ZFR: variants seen among roughly 807,000 people sequenced by gnomAD.
The protein encoded by ZFR is zinc finger RNA-binding protein.
A neutral mutation model predicts 130.7 loss-of-function variants in ZFR; 19 were observed. The observed-to-expected ratio is 0.15, with a 90% CI of 0.10 to 0.21. The LOEUF (loss-of-function observed/expected upper bound fraction) is 0.21, where lower values mean the gene tolerates loss of function less well. Ranked by LOEUF, ZFR falls within the 10% of genes least tolerant of loss-of-function variation. The pLI is 1.00. For synonymous variants in ZFR, 466 were observed against 456.9 expected, an observed-to-expected ratio of 1.02 and a Z score of -0.25; for missense variants, 872 against 1,321.5, an observed-to-expected ratio of 0.66 and a Z score of 5.27.
At chr5:32,378,510 T>A (rs1220590807) in intron 17 of ZFR, among the ~76,000 whole-genome samples, 1 of 152,156 alleles carries the variant, frequency 6.6e-6, no homozygotes, top group African/African-American at 2.4e-5. Context: ...TCCCTGTCTA[T>A]CTGAATCCTT....
intron 2 of ZFR, among the ~76,000 whole-genome samples, chr5:32,435,853 A>C (rs981087042): frequency 7.2e-5 from 11 of 152,224 alleles, no homozygotes; most frequent in Admixed American, 6.5e-5. Flanking sequence ...GGAGCTCTTA[A>C]GTATCTATGT....
At chr5:32,369,726 CG>C (rs1479151254) in intron 17 of ZFR, among the ~76,000 whole-genome samples, 1 of 152,002 alleles carries the variant, frequency 6.6e-6, no homozygotes, top group Non-Finnish European at 1.5e-5. Context: ...TTAGGAGAAT[CG>C]CTTAAGCCTG....
chr5:32,389,006 T>C (rs1753101909), intron 12 of ZFR, among the ~76,000 whole-genome samples: 2 of 152,236 alleles, frequency 1.3e-5, no homozygotes, highest in Non-Finnish European at 2.9e-5. Context: ...ATTCAAGTCT[T>C]ACAACTGCCA....
chr5:32,382,260 G>A (rs1017213520), intron 15 of ZFR, among the ~76,000 whole-genome samples: 3 of 152,122 alleles, frequency 2.0e-5, no homozygotes, highest in Non-Finnish European at 4.4e-5. Context: ...GCAGTGAGCC[G>A]AGATTGTGCT....
chr5:32,366,651 C>T (rs1330554318), intron 17 of ZFR, among the ~76,000 whole-genome samples: 3 of 151,712 alleles, frequency 2.0e-5, no homozygotes, highest in Non-Finnish European at 4.4e-5. Context: ...GTTAAAAGAG[C>T]AATGAAAATA....
chr5:32,369,058 T>C (rs983319728), intron 17 of ZFR, among the ~76,000 whole-genome samples: 5 of 152,218 alleles, frequency 3.3e-5, no homozygotes, highest in Non-Finnish European at 2.9e-5. Context: ...GTGAAATGTA[T>C]GAAAGTCTTA....
chr5:32,416,506 TGA>T lies in ZFR; in HGVS notation c.565+1140_565+1141del, dbSNP rs556825604. On this transcript the variant is annotated intron_variant, in intron 4 of 19. Transcript: ENST00000265069. ...GCGCATGCCTGTAATCCCAGCTACT[TGA>T]GAGGCTGAGGCAGGAGAATCGCTTG... is the stretch of plus-strand genomic sequence containing the variant. Among the ~76,000 whole-genome samples, 5 of 151,118 alleles carry T rather than the reference TGA, an allele frequency of 3.3e-5. No homozygotes were observed. In the South Asian group the frequency reaches 1.0e-3, roughly 32 times the overall value.
chr5:32,391,392 T>C (rs927912582), intron 11 of ZFR, among the ~76,000 whole-genome samples: 3 of 152,184 alleles, frequency 2.0e-5, no homozygotes, highest in African/African-American at 7.2e-5. Flanking sequence ...AGGATTTTTG[T>C]GAAACTTCAC....
intron 19 of ZFR, 43 bp downstream of exon 19, chr5:32,363,905 A>G (rs1327164030): frequency 6.6e-7 from 1 of 1,521,264 alleles, no homozygotes; most frequent in African/African-American, 1.4e-5. Context: ...TAAAACCTTA[A>G]TGGAGTAACC....
chr5:32,381,609 T>C (rs565919537), intron 15 of ZFR, among the ~76,000 whole-genome samples: 2 of 152,208 alleles, frequency 1.3e-5, no homozygotes, highest in South Asian at 4.1e-4. Flanking sequence ...GTTACTCATA[T>C]CTCATAAGCA....
chr5:32,436,552 C>T (rs1754339711), intron 2 of ZFR, among the ~76,000 whole-genome samples: 1 of 152,204 alleles, frequency 6.6e-6, no homozygotes, highest in African/African-American at 2.4e-5. Context: ...CATCCATATT[C>T]ACCAGCCACC....
chr5:32,406,287 C>T (rs1753579069), intron 6 of ZFR, among the ~76,000 whole-genome samples: 1 of 152,132 alleles, frequency 6.6e-6, no homozygotes, highest in South Asian at 2.1e-4. Flanking sequence ...GTTCCTACTC[C>T]CCTTATGAGA....
At chr5:32,425,837 T>C (rs554078891) in intron 2 of ZFR, among the ~76,000 whole-genome samples, 44 of 152,320 alleles carry the variant, frequency 2.9e-4, no homozygotes, top group African/African-American at 1.0e-3. Flanking sequence ...AATTCTAATA[T>C]AGTAAATACC....
chr5:32,371,727 G>T (rs567945034), intron 17 of ZFR, among the ~76,000 whole-genome samples: 1 of 151,778 alleles, frequency 6.6e-6, no homozygotes, highest in South Asian at 2.1e-4. Context: ...AAGAACAGAA[G>T]CAATCAGGAA....
intron 17 of ZFR, among the ~76,000 whole-genome samples, chr5:32,378,469 G>A (rs1385754524): frequency 6.6e-6 from 1 of 152,016 alleles, no homozygotes; most frequent in Non-Finnish European, 1.5e-5. Flanking sequence ...TTAAACTCTG[G>A]AGTCAATAGG....
At chr5:32,410,453 A>G (rs1753679899) in intron 5 of ZFR, among the ~76,000 whole-genome samples, 1 of 151,976 alleles carries the variant, frequency 6.6e-6, no homozygotes, top group African/African-American at 2.4e-5. Context: ...TACAAAAAAT[A>G]CAAAAATAAA....
intron 6 of ZFR, among the ~76,000 whole-genome samples, chr5:32,404,391 GT>G (rs1204191817): frequency 6.6e-6 from 1 of 152,154 alleles, no homozygotes; most frequent in African/African-American, 2.4e-5. Context: ...TTATATAAAT[GT>G]TGGACAGAGA....
At chr5:32,413,918 G>A (rs993609059) in intron 5 of ZFR, among the ~76,000 whole-genome samples, 5 of 152,066 alleles carry the variant, frequency 3.3e-5, no homozygotes, top group Admixed American at 6.6e-5. Flanking sequence ...GGTGAATGAT[G>A]AGCAGGTCCT....
intron 2 of ZFR, among the ~76,000 whole-genome samples, chr5:32,443,750 C>T (rs1173242047): frequency 1.3e-5 from 2 of 152,232 alleles, no homozygotes; most frequent in African/African-American, 2.4e-5. Flanking sequence ...CACCAGGCGA[C>T]GACGCAGAGA....
Sources: allele counts gnomAD v4.1 joint callset (sites outside exome capture counted in the v4.1 genomes callset), GRCh38; gene constraint gnomAD v4.1.1; transcripts MANE v1.5; gene names NCBI Gene and HGNC (gene_info 2026-07-23, HGNC 2026-07-21).